Variants in CAMK4 observed in about 807,000 individuals in gnomAD.
The protein encoded by CAMK4 is calcium/calmodulin dependent protein kinase IV.
In CAMK4, 22 loss-of-function variants were observed where a neutral mutation model predicts 44.9. The ratio of observed to expected loss-of-function variants is 0.49; its 90% CI spans 0.35 to 0.70. The LOEUF (loss-of-function observed/expected upper bound fraction) is 0.70, where lower values mean the gene tolerates loss of function less well. Ranked by LOEUF, CAMK4 falls within the 30% of genes least tolerant of loss-of-function variation. The pLI is 0.01. For missense variants in CAMK4, 498 were observed against 586.8 expected (o/e 0.85, Z 1.56); for synonymous variants, 218 against 215.4 (o/e 1.01, Z -0.11).
chr5:111,404,088 G>A (rs306099), intron 5 of CAMK4, among the ~76,000 whole-genome samples: 82,043 of 151,964 alleles, frequency 0.54, 22,952 homozygotes, highest in African/African-American at 0.7. Flanking sequence ...AAGGAGGAGG[G>A]GTCGGGGTAG....
intron 5 of CAMK4, among the ~76,000 whole-genome samples, chr5:111,403,436 G>A (rs1752303509): frequency 6.6e-6 from 1 of 152,028 alleles, no homozygotes; most frequent in South Asian, 2.1e-4. Context: ...GTTTCTTGCT[G>A]CTCAGGTTTG....
intron 1 of CAMK4, among the ~76,000 whole-genome samples, chr5:111,238,641 G>T (rs1315673783): frequency 1.3e-5 from 2 of 150,730 alleles, no homozygotes; most frequent in Non-Finnish European, 2.9e-5. Flanking sequence ...CCCCCATTTG[G>T]CACCTGTCTG....
chr5:111,227,409 A>C (rs375905686), intron 1 of CAMK4, among the ~76,000 whole-genome samples: 2 of 152,240 alleles, frequency 1.3e-5, no homozygotes, highest in African/African-American at 4.8e-5. Context: ...CTAAGAGAAC[A>C]GTGCTTCTGG....
chr5:111,473,265 A>G lies in CAMK4; in HGVS notation c.626-46A>G, dbSNP rs547721747. ...CCCATTGCTTGATATTAAAATATAA[A>G]TATTGACTAAGCTCTAATTTAACAC... On this transcript the variant is annotated intron_variant, in intron 7 of 10. Coordinates refer to ENST00000282356, the MANE Select transcript of CAMK4 (RefSeq NM_001744.6). The G allele has an allele frequency of 3.2e-5, 38 of 1,187,704 alleles. No individual in the cohort carries two copies. In the African/African-American group the frequency reaches 4.7e-4, roughly 15 times the overall value. 73.6% of individuals were successfully genotyped at this position (1,187,704 alleles called of 1,614,324 possible).
chr5:111,303,265 GAGA>G (rs1268882134), intron 1 of CAMK4, among the ~76,000 whole-genome samples: 1 of 134,440 alleles, frequency 7.4e-6, no homozygotes, highest in East Asian at 2.1e-4. Flanking sequence ...GACGAGCTGA[GAGA>G]AGAAGGCTTC....
chr5:111,224,312 C>T (rs898279793), upstream of CAMK4: 11 of 982,708 alleles, frequency 1.1e-5, no homozygotes, highest in African/African-American at 1.6e-4. The surrounding 1 kb of genome is among the most constrained non-coding windows in gnomAD (Gnocchi z 5.7). Context: ...AGGCTCGCCC[C>T]CTTCCCCGCC....
chr5:111,292,399 A>T (rs558340780), intron 1 of CAMK4, among the ~76,000 whole-genome samples: 1 of 152,122 alleles, frequency 6.6e-6, no homozygotes, highest in South Asian at 2.1e-4. Context: ...TTGTGTGTGT[A>T]TATGTATGTG....
intron 2 of CAMK4, among the ~76,000 whole-genome samples, chr5:111,372,614 C>G (rs1016264001): frequency 1.7e-4 from 26 of 152,216 alleles, no homozygotes; most frequent in Non-Finnish European, 2.4e-4. Flanking sequence ...ACTCTGACTT[C>G]CCAGTTACAT....
intron 9 of CAMK4, among the ~76,000 whole-genome samples, chr5:111,479,523 A>T (rs531222524): frequency 6.6e-6 from 1 of 152,336 alleles, no homozygotes; most frequent in South Asian, 2.1e-4. Context: ...GGTTAGATAT[A>T]GAAGAGGTCT....
chr5:111,261,979 GT>G (rs1459401107), intron 1 of CAMK4, among the ~76,000 whole-genome samples: 2 of 152,032 alleles, frequency 1.3e-5, no homozygotes, highest in Non-Finnish European at 2.9e-5. Flanking sequence ...TTAAGGAGAA[GT>G]CCTTATCTTT....
In CAMK4 at chr5:111,484,113, C is replaced by A. The variant is rs1262167336; in HGVS notation, c.1069C>A (p.Arg357=). 6.2e-7 allele frequency: 1 copy of A among 1,614,048 alleles called. No individual in the cohort carries two copies. ...CATCCAGGAGAGCCACAAGGCTAGC[C>A]GAGACCCTTCTCCAATCCAAGATGG... ...GSIQESHKAS[R]DPSPIQDGNE... is the part of the protein sequence containing the mutation. The change falls in exon 11 of 11, where the codon CGA becomes AGA. Residue 357 remains arginine (R), a synonymous_variant. Transcript: ENST00000282356. The surrounding 1 kb of genome is among the most constrained non-coding windows in gnomAD (Gnocchi z 5.3).
intron 2 of CAMK4, among the ~76,000 whole-genome samples, chr5:111,369,081 A>T (rs962972076): frequency 3.3e-5 from 5 of 150,538 alleles, no homozygotes; most frequent in African/African-American, 1.2e-4. Flanking sequence ...TATTATTATT[A>T]TTGAGACAGG....
chr5:111,311,699 A>G (rs1487469789), intron 1 of CAMK4, among the ~76,000 whole-genome samples: 3 of 152,192 alleles, frequency 2.0e-5, no homozygotes, highest in African/African-American at 7.2e-5. Flanking sequence ...ATAAATTTCT[A>G]AAAGACATTT....
At chr5:111,442,543 T>C (rs61534916) in intron 5 of CAMK4, among the ~76,000 whole-genome samples, 8,178 of 99,308 alleles carry the variant, frequency 0.082, 634 homozygotes, top group African/African-American at 0.21. Flanking sequence ...TATATATATA[T>C]ACACACACAC....
chr5:111,310,484 A>T (rs1441503412), intron 1 of CAMK4, among the ~76,000 whole-genome samples: 1 of 152,158 alleles, frequency 6.6e-6, no homozygotes, highest in Non-Finnish European at 1.5e-5. Context: ...AATTTTACCC[A>T]TTGGCAATAG....
intron 1 of CAMK4, among the ~76,000 whole-genome samples, chr5:111,255,747 T>A (rs1409207887): frequency 6.6e-6 from 1 of 152,222 alleles, no homozygotes; most frequent in Non-Finnish European, 1.5e-5. Flanking sequence ...ATTTATGGAT[T>A]CATTGTATCA....
At chr5:111,328,213 T>G in intron 1 of CAMK4, among the ~76,000 whole-genome samples, 1 of 150,724 alleles carries the variant, frequency 6.6e-6, no homozygotes, top group Non-Finnish European at 1.5e-5. Flanking sequence ...GGATCCAGTT[T>G]CAGCTTTCTA....
At chr5:111,360,353 C>T (rs1750541751) in intron 2 of CAMK4, among the ~76,000 whole-genome samples, 1 of 152,044 alleles carries the variant, frequency 6.6e-6, no homozygotes, top group Non-Finnish European at 1.5e-5. Flanking sequence ...AGGGCCACTG[C>T]CAGATGCTGT....
At chr5:111,419,719 G>T (rs1752952381) in intron 5 of CAMK4, among the ~76,000 whole-genome samples, 1 of 151,972 alleles carries the variant, frequency 6.6e-6, no homozygotes, top group Admixed American at 6.6e-5. Context: ...CCCATTTCTT[G>T]TTTTTGTCAG....
Sources: allele counts gnomAD v4.1 joint callset (sites outside exome capture counted in the v4.1 genomes callset), GRCh38; gene constraint gnomAD v4.1.1; non-coding constraint Gnocchi (gnomAD v3.1); transcripts MANE v1.5; gene names NCBI Gene and HGNC (gene_info 2026-07-23, HGNC 2026-07-21).